Variants in CHST8 observed in about 807,000 individuals in gnomAD.
CHST8 encodes carbohydrate sulfotransferase 8.
In CHST8, 10 loss-of-function variants were observed where a neutral mutation model predicts 15.0. That is an observed-to-expected ratio of 0.67 (90% CI 0.41 to 1.13). The LOEUF (loss-of-function observed/expected upper bound fraction) is 1.13. Among genes scored for constraint, CHST8 ranks in the 50% most tolerant of loss-of-function variants. The pLI is 0.00. For missense variants in CHST8, 634 were observed against 608.2 expected, an observed-to-expected ratio of 1.04 and a Z score of -0.45; for synonymous variants, 259 against 256.6, an observed-to-expected ratio of 1.01 and a Z score of -0.09.
chr19:33,636,429 C>T (rs1259735702), intron 1 of CHST8, among the ~76,000 whole-genome samples: 1 of 152,288 alleles, frequency 6.6e-6, no homozygotes, highest in Admixed American at 6.5e-5. Flanking sequence ...TATTTCACGT[C>T]TCACCACTAC....
At chr19:33,767,592 A>G (rs904649936) in intron 3 of CHST8, among the ~76,000 whole-genome samples, 17 of 152,226 alleles carry the variant, frequency 1.1e-4, no homozygotes, top group African/African-American at 3.9e-4. Flanking sequence ...ATCATAGCGC[A>G]TGTGTTCCAG....
chr19:33,746,061 A>C (rs780692920), intron 3 of CHST8, among the ~76,000 whole-genome samples: 3 of 152,106 alleles, frequency 2.0e-5, no homozygotes, highest in Non-Finnish European at 4.4e-5. Context: ...GTGTTATTGA[A>C]CTCACAGCAG....
chr19:33,723,807 C>A (rs966376378), intron 3 of CHST8, among the ~76,000 whole-genome samples: 3 of 152,202 alleles, frequency 2.0e-5, no homozygotes, highest in African/African-American at 7.2e-5. Context: ...CAAGGGGTGG[C>A]CCTGGCATCT....
chr19:33,725,040 C>T (rs980649630), intron 3 of CHST8, among the ~76,000 whole-genome samples: 19 of 152,154 alleles, frequency 1.2e-4, no homozygotes, highest in African/African-American at 4.6e-4. Context: ...GAGACCAGCA[C>T]TGCTGTGTGT....
intron 3 of CHST8, among the ~76,000 whole-genome samples, chr19:33,758,923 G>A (rs548927547): frequency 6.8e-5 from 9 of 132,388 alleles, no homozygotes; most frequent in South Asian, 4.3e-4. Context: ...GTTTCTTGGC[G>A]GGGGGGGGCG....
At chr19:33,660,349 G>A (rs900959571) in intron 1 of CHST8, among the ~76,000 whole-genome samples, 2 of 152,038 alleles carry the variant, frequency 1.3e-5, no homozygotes, top group African/African-American at 4.8e-5. Flanking sequence ...CCATTCCTGC[G>A]CCGCTCTTGG....
chr19:33,764,816 A>G (rs193017853), intron 3 of CHST8, among the ~76,000 whole-genome samples: 80 of 152,060 alleles, frequency 5.3e-4, no homozygotes, highest in African/African-American at 9.7e-4. Context: ...ACTGCACACA[A>G]TTTGTAGTTT....
rs545485163 is a variant in CHST8 at position 33,698,457 on chromosome 19, C to T, written c.130+9066C>T. Among the ~76,000 whole-genome samples, 6 of 151,302 alleles carry T rather than the reference C, an allele frequency of 4.0e-5. No individual in the cohort carries two copies. In the South Asian group the frequency reaches 6.3e-4, roughly 16 times the overall value. Reference sequence around the variant, plus strand: ...TTCTGGTGGCTGCCTGTTGTGTGGCCGTGGGCAGAGAGCAGACAGGGAGAG... The same window carrying T: ...TTCTGGTGGCTGCCTGTTGTGTGGCTGTGGGCAGAGAGCAGACAGGGAGAG... On this transcript the variant is annotated intron_variant, in intron 3 of 4. Coordinates refer to ENST00000650847, the MANE Select transcript of CHST8 (RefSeq NM_001127895.2).
chr19:33,648,533 C>G (rs1336548580), intron 1 of CHST8, among the ~76,000 whole-genome samples: 1 of 151,984 alleles, frequency 6.6e-6, no homozygotes, highest in Non-Finnish European at 1.5e-5. Flanking sequence ...CAGGGTTCAG[C>G]CATGTTGTAT....
chr19:33,771,756 A>G (rs1974987454), intron 4 of CHST8, among the ~76,000 whole-genome samples: 1 of 152,046 alleles, frequency 6.6e-6, no homozygotes, highest in Admixed American at 6.5e-5. Flanking sequence ...TGTGGCCGAA[A>G]TGACACTTAC....
intron 1 of CHST8, among the ~76,000 whole-genome samples, chr19:33,663,379 A>G (rs1419884493): frequency 6.6e-6 from 1 of 152,106 alleles, no homozygotes; most frequent in Non-Finnish European, 1.5e-5. Context: ...AGCCCGGGCA[A>G]CATAGCAAGA....
intron 3 of CHST8, 124 bp downstream of exon 3, chr19:33,689,515 G>C (rs891733662): frequency 1.7e-6 from 2 of 1,151,088 alleles, no homozygotes; most frequent in Non-Finnish European, 2.4e-6. Flanking sequence ...CAAGACCCCC[G>C]GCAGGCAGAG....
intron 3 of CHST8, among the ~76,000 whole-genome samples, chr19:33,731,339 C>G (rs1973989061): frequency 6.6e-6 from 1 of 152,150 alleles, no homozygotes; most frequent in African/African-American, 2.4e-5. Flanking sequence ...GGGCAATTCC[C>G]AGAACTTAGG....
At chr19:33,712,223 G>T (rs952946795) in intron 3 of CHST8, among the ~76,000 whole-genome samples, 4 of 152,176 alleles carry the variant, frequency 2.6e-5, no homozygotes, top group African/African-American at 9.7e-5. Context: ...ATCACTTCCC[G>T]TTCACCCGAT....
intron 3 of CHST8, among the ~76,000 whole-genome samples, chr19:33,756,552 C>G (rs546913426): frequency 1.3e-5 from 2 of 152,318 alleles, no homozygotes; most frequent in East Asian, 3.9e-4. Context: ...GTCCTGGCAG[C>G]ATGCTATGGG....
intron 2 of CHST8, among the ~76,000 whole-genome samples, chr19:33,684,252 A>G (rs894217716): frequency 1.3e-5 from 2 of 152,124 alleles, no homozygotes; most frequent in Non-Finnish European, 2.9e-5. Context: ...CCCGCTGCAG[A>G]GCATGGGGCT....
chr19:33,637,682 G>A (rs1541828), intron 1 of CHST8, among the ~76,000 whole-genome samples: 88,508 of 141,256 alleles, frequency 0.63, 28,426 homozygotes, highest in African/African-American at 0.77. Context: ...GATTACAGGC[G>A]TGAGCCACCG....
intron 3 of CHST8, among the ~76,000 whole-genome samples, chr19:33,707,074 T>A (rs1973461051): frequency 6.6e-6 from 1 of 152,190 alleles, no homozygotes; most frequent in South Asian, 2.1e-4. Context: ...ATTTTAGCAG[T>A]GTTGCAGGGG....
intron 2 of CHST8, among the ~76,000 whole-genome samples, chr19:33,675,799 G>A (rs1235338263): frequency 6.6e-6 from 1 of 152,238 alleles, no homozygotes; most frequent in African/African-American, 2.4e-5. Flanking sequence ...CAGTGAGGCT[G>A]TAGCAGCCTC....
Sources: allele counts gnomAD v4.1 joint callset (sites outside exome capture counted in the v4.1 genomes callset), GRCh38; gene constraint gnomAD v4.1.1; transcripts MANE v1.5; gene names NCBI Gene and HGNC (gene_info 2026-07-23, HGNC 2026-07-21).